Variants in RDX observed in about 807,000 individuals in gnomAD.
RDX encodes the protein deafness, autosomal recessive 24.
In RDX, 32 loss-of-function variants were observed where a neutral mutation model predicts 83.7. The ratio of observed to expected loss-of-function variants is 0.38; its 90% CI spans 0.29 to 0.51. The LOEUF is 0.51. Among genes scored for constraint, RDX ranks in the 20% least tolerant of loss-of-function variants. RDX has a pLI of 0.87. For synonymous variants in RDX, 229 were observed against 222.7 expected (o/e 1.03, Z -0.25); for missense variants, 600 against 689.9 (o/e 0.87, Z 1.46).
chr11:110,276,270 T>A (rs1565329940), intron 2 of RDX, among the ~76,000 whole-genome samples: 1 of 152,224 alleles, frequency 6.6e-6, no homozygotes, highest in Admixed American at 6.5e-5. Context: ...CAACATAATT[T>A]ATTAATTAGT....
chr11:110,175,717 T>C lies in RDX; in HGVS notation c.*32-483A>G, dbSNP rs192706080. 3.1e-4 allele frequency among the ~76,000 whole-genome samples: 47 copies of C among 152,376 alleles called. 1 individual carries two copies. The South Asian group carries it at 5.0e-3, about 16-fold the overall frequency. On this transcript the variant is annotated intron_variant, in intron 15 of 15. Coordinates refer to the RDX transcript ENST00000528498. Reference sequence around the variant, plus strand: ...TCCAAGGATGTAATTATCATTCATTTGAATAATTCTTTCAAATATGCATGT... The same window carrying C: ...TCCAAGGATGTAATTATCATTCATTCGAATAATTCTTTCAAATATGCATGT...
chr11:110,256,336 T>C (rs145572696), intron 7 of RDX, among the ~76,000 whole-genome samples: 4 of 152,294 alleles, frequency 2.6e-5, no homozygotes, highest in Admixed American at 6.5e-5. Flanking sequence ...ATAAGCATAT[T>C]AGAGGACCCT....
intron 1 of RDX, among the ~76,000 whole-genome samples, chr11:110,295,799 T>A (rs866530694): frequency 6.6e-6 from 1 of 152,198 alleles, no homozygotes; most frequent in Admixed American, 6.5e-5. Context: ...CCCGAGAAAG[T>A]TACAGGGCTC....
chr11:110,227,697 T>C (rs1024004526), downstream of RDX, among the ~76,000 whole-genome samples: 2 of 152,140 alleles, frequency 1.3e-5, no homozygotes, highest in African/African-American at 2.4e-5. Context: ...CATCCTAATC[T>C]TGCTTCTAAG....
downstream of RDX, among the ~76,000 whole-genome samples, chr11:110,227,725 C>T (rs1191396595): frequency 6.6e-6 from 1 of 152,102 alleles, no homozygotes; most frequent in Non-Finnish European, 1.5e-5. Flanking sequence ...ATATAGCCAG[C>T]TCTTAATAAA....
At chr11:110,209,005 C>T (rs961680672) in intron 14 of RDX, among the ~76,000 whole-genome samples, 3 of 152,172 alleles carry the variant, frequency 2.0e-5, no homozygotes, top group African/African-American at 7.2e-5. Flanking sequence ...CGAATAGGAA[C>T]AGCTCCGGTC....
At chr11:110,221,270 C>T (rs750003651) in intron 14 of RDX, among the ~76,000 whole-genome samples, 2 of 152,196 alleles carry the variant, frequency 1.3e-5, no homozygotes, top group East Asian at 1.9e-4. Flanking sequence ...CTGTACCCCC[C>T]CCAAAATACT....
intron 14 of RDX, among the ~76,000 whole-genome samples, chr11:110,216,727 A>G (rs1265534702): frequency 6.6e-6 from 1 of 151,844 alleles, no homozygotes; most frequent in Non-Finnish European, 1.5e-5. Flanking sequence ...TATGTTGCCC[A>G]GGCTGGTCTT....
chr11:110,272,048 ATT>A (rs1414029126), intron 3 of RDX, among the ~76,000 whole-genome samples: 1 of 152,248 alleles, frequency 6.6e-6, no homozygotes, highest in Non-Finnish European at 1.5e-5. Context: ...ACATAAATGA[ATT>A]TTGTGTTTAG....
chr11:110,272,776 G>T lies in RDX; in HGVS notation c.13-157C>A, dbSNP rs1162451786. ...AAAGAGCTTATAAAGTCCTCATTTAGGAACATCTATTGAATACTTAACATA... is the reference window on the plus strand; with the variant it reads ...AAAGAGCTTATAAAGTCCTCATTTATGAACATCTATTGAATACTTAACATA... On this transcript the variant is annotated intron_variant, in intron 2 of 13. Coordinates refer to ENST00000645495, the MANE Select transcript of RDX (RefSeq NM_002906.4). The T allele has an allele frequency of 1.4e-5, 9 of 630,170 alleles. No homozygotes were observed. The East Asian group carries it at 2.0e-4, about 14-fold the overall frequency. The allele number at this position is 630,170 out of a possible 1,614,324, so 39.0% of individuals were successfully genotyped here. A position where few individuals can be genotyped will look rare whatever the true frequency, so the allele number is the denominator to read the frequency against.
At chr11:110,243,161 G>A (rs1042996609) in intron 10 of RDX, among the ~76,000 whole-genome samples, 1 of 152,040 alleles carries the variant, frequency 6.6e-6, no homozygotes, top group Admixed American at 6.6e-5. Context: ...TCAGATTTTG[G>A]AATTTTGAAT....
chr11:110,291,062 C>T (rs1190852866), intron 1 of RDX, among the ~76,000 whole-genome samples: 5 of 152,130 alleles, frequency 3.3e-5, no homozygotes, highest in Admixed American at 2.0e-4. Context: ...AATAACAGGG[C>T]TGGGTGCAGT....
intron 9 of RDX, among the ~76,000 whole-genome samples, chr11:110,250,169 C>A (rs187367724): frequency 2.0e-5 from 3 of 152,164 alleles, no homozygotes; most frequent in Non-Finnish European, 4.4e-5. Context: ...TCTCTCCGGG[C>A]AAAAGAAAGG....
At chr11:110,222,040 T>C (rs1197496639) in intron 14 of RDX, among the ~76,000 whole-genome samples, 1 of 152,218 alleles carries the variant, frequency 6.6e-6, no homozygotes, top group Non-Finnish European at 1.5e-5. Context: ...TCTTATTTCA[T>C]GGAAAAGGGA....
Position 110,278,345 on chromosome 11 carries a change from T to C in RDX, c.12+1336A>G, listed in dbSNP as rs1351315707. 3.9e-5 allele frequency among the ~76,000 whole-genome samples: 6 copies of C among 152,136 alleles called. No homozygotes were observed. The South Asian group carries it at 6.2e-4, about 16-fold the overall frequency. On this transcript the variant is annotated intron_variant, in intron 2 of 13. Transcript: ENST00000645495. ...AAGAAGACTGCCTGGATTCAACTGA[T>C]TGGAACTGAATTTCATTTACGAACA...
At chr11:110,236,594 G>T in intron 11 of RDX, 1 of 176,156 alleles carries the variant, frequency 5.7e-6, no homozygotes, top group Non-Finnish European at 1.2e-5. Flanking sequence ...AATCCTAACA[G>T]GTAGTATCAT....
chr11:110,189,955 T>A (rs1290167572), intron 15 of RDX, among the ~76,000 whole-genome samples: 2 of 152,116 alleles, frequency 1.3e-5, no homozygotes, highest in African/African-American at 4.8e-5. Context: ...TGGTGGCATA[T>A]GCCTATAATC....
chr11:110,190,840 G>A lies in RDX; in HGVS notation c.*31+8741C>T, dbSNP rs182997173. Among the ~76,000 whole-genome samples, 40 of 152,300 alleles carry A rather than the reference G, an allele frequency of 2.6e-4. 1 individual carries two copies. Among genetic ancestry groups the A allele is most frequent in the Admixed American group, 2.5e-3 (38 of 15,288 alleles). ...CTGTGAGCACAAACTAGAAAATCAA[G>A]AGGAGATGGATAAATTCTTGGATGC... On this transcript the variant is annotated intron_variant, in intron 15 of 15. Transcript: ENST00000528498.
In RDX at chr11:110,221,264, A is replaced by AC. The variant is rs377524461; in HGVS notation, c.1748+10608dup. 2.3e-3 allele frequency among the ~76,000 whole-genome samples: 349 copies of AC among 151,524 alleles called. 2 individuals carry two copies. Among genetic ancestry groups the AC allele is most frequent in the Non-Finnish European group, 2.9e-3 (196 of 67,848 alleles). ...ACTTTTGAGACAAATCCTAGGCTGT[A>AC]CCCCCCCCAAAATACTTGTGGTGCA... On this transcript the variant is annotated intron_variant, in intron 14 of 15. Coordinates refer to the RDX transcript ENST00000528498.
Sources: allele counts gnomAD v4.1 joint callset (sites outside exome capture counted in the v4.1 genomes callset), GRCh38; gene constraint gnomAD v4.1.1; transcripts MANE v1.5; gene names NCBI Gene and HGNC (gene_info 2026-07-23, HGNC 2026-07-21).